SENP6: variants seen among roughly 807,000 people sequenced by gnomAD.
SENP6 encodes sentrin-specific protease 6.
A neutral mutation model predicts 134.5 loss-of-function variants in SENP6; 41 were observed. That is an observed-to-expected ratio of 0.30 (90% CI 0.24 to 0.40). The LOEUF is 0.40. Ranked by LOEUF, SENP6 falls within the 10% of genes least tolerant of loss-of-function variation. SENP6 has a pLI of 1.00. For missense variants in SENP6, 1,248 were observed against 1,312.5 expected (o/e 0.95, Z 0.76); for synonymous variants, 395 against 429.8 (o/e 0.92, Z 1.00).
chr6:75,617,882 T>A (rs1458941287), intron 1 of SENP6, among the ~76,000 whole-genome samples: 1 of 152,242 alleles, frequency 6.6e-6, no homozygotes, highest in Non-Finnish European at 1.5e-5. Context: ...AAATACTGTA[T>A]ACAGGTATTT....
chr6:75,610,444 C>T (rs1373816507), intron 1 of SENP6, among the ~76,000 whole-genome samples: 1 of 152,108 alleles, frequency 6.6e-6, no homozygotes, highest in Admixed American at 6.5e-5. Flanking sequence ...ATGATGGTTG[C>T]CATCATCAGG....
intron 7 of SENP6, among the ~76,000 whole-genome samples, chr6:75,648,618 AAC>A (rs1770631197): frequency 1.3e-5 from 2 of 152,294 alleles, no homozygotes; most frequent in Admixed American, 1.3e-4. Context: ...CTTAATAATG[AAC>A]AGTCTTTATA....
chr6:75,700,963 A>G (rs970516733), intron 18 of SENP6, among the ~76,000 whole-genome samples: 2 of 152,224 alleles, frequency 1.3e-5, no homozygotes, highest in African/African-American at 4.8e-5. Flanking sequence ...GAAGAACAGG[A>G]GAGAAGCAAG....
chr6:75,673,318 A>C (rs1182367665), intron 11 of SENP6, among the ~76,000 whole-genome samples: 3 of 91,094 alleles, frequency 3.3e-5, no homozygotes, highest in Admixed American at 1.4e-4. Context: ...ACCAATGTCT[A>C]CTTTTTTTTT....
chr6:75,659,001 G>A (rs510535), intron 7 of SENP6, among the ~76,000 whole-genome samples: 47,756 of 95,174 alleles, frequency 0.5, 12,198 homozygotes, highest in Middle Eastern at 0.58. Flanking sequence ...AAAAAAAAAA[G>A]GGGAATTGTG....
intron 1 of SENP6, among the ~76,000 whole-genome samples, chr6:75,615,033 A>G (rs1439299361): frequency 1.3e-5 from 2 of 151,810 alleles, no homozygotes; most frequent in Non-Finnish European, 2.9e-5. Flanking sequence ...TGGGATTACA[A>G]GCATGCACCA....
chr6:75,634,652 A>G, intron 4 of SENP6, 55 bp from the exon 5 acceptor site: 1 of 950,238 alleles, frequency 1.1e-6, no homozygotes, highest in African/African-American at 1.7e-5. Flanking sequence ...TTTTTTTATA[A>G]ATGTGTATAT....
chr6:75,678,957 A>G (rs1250612342), intron 16 of SENP6, 30 bp downstream of exon 16: 10 of 1,062,418 alleles, frequency 9.4e-6, no homozygotes, highest in Non-Finnish European at 1.4e-5. Context: ...ATCTTTTATT[A>G]AATCTTTAAC....
intron 16 of SENP6, among the ~76,000 whole-genome samples, chr6:75,683,835 C>T (rs1394170950): frequency 6.6e-6 from 1 of 152,140 alleles, no homozygotes; most frequent in Non-Finnish European, 1.5e-5. Context: ...TAGCGTGATG[C>T]CTCTAGCTTT....
At chr6:75,602,945 T>C (rs563685008) in intron 1 of SENP6, among the ~76,000 whole-genome samples, 169 of 152,148 alleles carry the variant, frequency 1.1e-3, no homozygotes, top group Non-Finnish European at 2.2e-3. Context: ...AAGTTTCAAA[T>C]TGCTAAGGTT....
rs765102061 is a variant in SENP6, at chr6:75,695,794, T to C, written c.2076-10T>C. 6.5e-7 allele frequency: 1 copy of C among 1,548,270 alleles called. No individual in the cohort carries two copies. Among genetic ancestry groups the C allele is most frequent in the South Asian group, 1.2e-5 (1 of 82,904 alleles). On this transcript the variant is annotated splice_polypyrimidine_tract_variant and intron_variant, in intron 16 of 23. Transcript: ENST00000447266. ...CATTAATTATATTTGAATTATTTTC[T>C]ATCAAATAGATACTTGGTGCTTGAA...
At chr6:75,649,517 T>TG (rs1429324794) in intron 7 of SENP6, among the ~76,000 whole-genome samples, 42 of 152,210 alleles carry the variant, frequency 2.8e-4, no homozygotes, top group African/African-American at 9.9e-4. Context: ...TGTTTGTTTG[T>TG]TTGTTGTTGT....
At chr6:75,695,297 TTTATG>T (rs1375846717) in intron 16 of SENP6, among the ~76,000 whole-genome samples, 1 of 152,230 alleles carries the variant, frequency 6.6e-6, no homozygotes, top group Non-Finnish European at 1.5e-5. Context: ...ACATTAGATC[TTTATG>T]TTATAATTTT....
chr6:75,673,579 C>A (rs1196958895), intron 11 of SENP6, among the ~76,000 whole-genome samples: 1 of 151,814 alleles, frequency 6.6e-6, no homozygotes, highest in Non-Finnish European at 1.5e-5. Context: ...CTGCCTTGGC[C>A]TCCCAAAGTG....
chr6:75,656,112 G>A (rs1562012254), intron 7 of SENP6, among the ~76,000 whole-genome samples: 1 of 151,760 alleles, frequency 6.6e-6, no homozygotes, highest in South Asian at 2.1e-4. Context: ...CTACTCAGGA[G>A]GCAGAGGCAG....
intron 7 of SENP6, among the ~76,000 whole-genome samples, chr6:75,654,563 A>T (rs1249364030): frequency 1.3e-5 from 2 of 152,228 alleles, no homozygotes; most frequent in Admixed American, 1.3e-4. Context: ...CTTTAGTTTT[A>T]TTTTACACTG....
rs955060941 is a variant in SENP6 at position 75,602,343 on chromosome 6, G to A, written c.-182G>A. The A allele has an allele frequency of 5.2e-6, 3 of 572,018 alleles. No individual in the cohort carries two copies. The highest frequency in any genetic ancestry group is 4.0e-5 in the African/African-American group (2 of 49,834). The allele number at this position is 572,018 out of a possible 1,614,324, so 35.4% of individuals were successfully genotyped here. On this transcript the variant is annotated 5_prime_UTR_variant, in exon 1 of 24. Transcript: ENST00000447266. ...GCCCGCCAGCCCGCGGACAGGCCCG[G>A]GCGCGCCTGGCCTGCCTTTGTATAG... is the stretch of plus-strand genomic sequence containing the variant.
intron 10 of SENP6, 56 bp from the exon 11 acceptor site, chr6:75,670,497 A>T: frequency 7.6e-7 from 1 of 1,318,306 alleles, no homozygotes; most frequent in Admixed American, 1.9e-5. Context: ...GTTTATACTT[A>T]GCTTGCAGCC....
chr6:75,664,583 C>G (rs1490230444), intron 9 of SENP6, among the ~76,000 whole-genome samples: 1 of 152,122 alleles, frequency 6.6e-6, no homozygotes, highest in African/African-American at 2.4e-5. Context: ...ATATGTAAAT[C>G]TGTTTAGATC....
Sources: allele counts gnomAD v4.1 joint callset (sites outside exome capture counted in the v4.1 genomes callset), GRCh38; gene constraint gnomAD v4.1.1; transcripts MANE v1.5; gene names NCBI Gene and HGNC (gene_info 2026-07-23, HGNC 2026-07-21).